Variants in SNRPA1 observed in about 807,000 individuals in gnomAD.
The protein encoded by SNRPA1 is U2 small nuclear ribonucleoprotein A'.
A neutral mutation model predicts 32.3 loss-of-function variants in SNRPA1; 5 were observed. The observed-to-expected ratio is 0.15, with a 90% CI of 0.08 to 0.33. The LOEUF (loss-of-function observed/expected upper bound fraction) is 0.33, where lower values mean the gene tolerates loss of function less well. Ranked by LOEUF, SNRPA1 falls within the 10% of genes least tolerant of loss-of-function variation. The pLI is 1.00. For synonymous variants in SNRPA1, 111 were observed against 120.1 expected, an observed-to-expected ratio of 0.92 and a Z score of 0.50; for missense variants, 198 against 311.1, an observed-to-expected ratio of 0.64 and a Z score of 2.74.
chr15:101,294,814 A>G (rs931700172), intron 1 of SNRPA1: 4 of 376,486 alleles, frequency 1.1e-5, no homozygotes, highest in Admixed American at 4.6e-5. Flanking sequence ...CGAAACAGCC[A>G]AGCAAGGCCT....
Position 101,293,177 on chromosome 15 carries a change from A to G in SNRPA1, c.83-5T>C, listed in dbSNP as rs2039546403. 6.3e-7 allele frequency: 1 copy of G among 1,591,458 alleles called. No homozygotes were observed. The highest frequency in any genetic ancestry group is 1.3e-5 in the African/African-American group (1 of 74,184). ...CAATGACGGGAATTTTATACCCTATAAAATGGAGGAAAAAAACACAAGAGG... is the reference window on the plus strand; with the variant it reads ...CAATGACGGGAATTTTATACCCTATGAAATGGAGGAAAAAAACACAAGAGG... On this transcript the variant is annotated splice_polypyrimidine_tract_variant and splice_region_variant and intron_variant, in intron 1 of 8. Coordinates refer to ENST00000254193, the MANE Select transcript of SNRPA1 (RefSeq NM_003090.4).
Position 101,293,036 on chromosome 15 carries a change from G to A in SNRPA1, c.219C>T (p.Asn73=), listed in dbSNP as rs1368749755. The A allele has an allele frequency of 1.9e-6, 3 of 1,609,488 alleles. No individual in the cohort carries two copies. In the East Asian group the frequency reaches 6.7e-5, roughly 36 times the overall value. The change falls in exon 2 of 9, where the codon AAC becomes AAT. Residue 73 remains asparagine (N), a synonymous_variant. Coordinates refer to ENST00000254193, the MANE Select transcript of SNRPA1 (RefSeq NM_003090.4). ...LRRLKTLLVN[N]NRICRIGEGL... The stretch of plus-strand genomic sequence containing the variant: ...CTACAGACACGTACCATATTCTGTT[G>A]TTGTTCACTAACAATGTTTTCAGTC...
At chr15:101,288,721 C>A (rs956573032) in intron 3 of SNRPA1, among the ~76,000 whole-genome samples, 2 of 152,192 alleles carry the variant, frequency 1.3e-5, no homozygotes, top group African/African-American at 4.8e-5. Context: ...AGCAACAAGG[C>A]TTGCAGGGTG....
chr15:101,284,415 G>A (rs897067045), intron 8 of SNRPA1, among the ~76,000 whole-genome samples: 3 of 151,936 alleles, frequency 2.0e-5, no homozygotes, highest in African/African-American at 7.3e-5. Context: ...TATCGCTAGT[G>A]TTCGGTGCAC....
Position 101,295,203 on chromosome 15 carries a change from C to G in SNRPA1, c.-25G>C, listed in dbSNP as rs762496278. On this transcript the variant is annotated 5_prime_UTR_variant, in exon 1 of 9. Transcript: ENST00000254193. ...TCCTGCAGCCTCCCGTTCCCCCGCGCTGTGGAAAGCCCGTGGCCTCCCGCC... is the reference window on the plus strand; with the variant it reads ...TCCTGCAGCCTCCCGTTCCCCCGCGGTGTGGAAAGCCCGTGGCCTCCCGCC... The G allele has an allele frequency of 6.6e-7, 1 of 1,516,540 alleles. No homozygotes were observed. Among genetic ancestry groups the G allele is most frequent in the East Asian group, 2.8e-5 (1 of 36,078 alleles). 93.9% of individuals were successfully genotyped at this position (1,516,540 alleles called of 1,614,324 possible). A position where few individuals can be genotyped will look rare whatever the true frequency, so the allele number is the denominator to read the frequency against.
At chr15:101,286,810 A>G (rs559429269) in intron 5 of SNRPA1, 98 bp downstream of exon 5, 2 of 644,068 alleles carry the variant, frequency 3.1e-6, no homozygotes, top group African/African-American at 1.8e-5. Context: ...ACTAATGGTA[A>G]AATTTACTCA....
Position 101,294,001 on chromosome 15 carries a change from A to C in SNRPA1, c.83-829T>G, listed in dbSNP as rs190407698. On this transcript the variant is annotated intron_variant, in intron 1 of 8. Coordinates refer to ENST00000254193, the MANE Select transcript of SNRPA1 (RefSeq NM_003090.4). Reference sequence around the variant, plus strand: ...GTAATCCCAGCACTTCGGGAGACCAAGGCGGGCGGATCACCTGAGGTCGGG... The same window carrying C: ...GTAATCCCAGCACTTCGGGAGACCACGGCGGGCGGATCACCTGAGGTCGGG... 2.3e-4 allele frequency among the ~76,000 whole-genome samples: 35 copies of C among 152,340 alleles called. 1 individual carries two copies. Among genetic ancestry groups the C allele is most frequent in the Admixed American group, 2.2e-3 (34 of 15,304 alleles).
chr15:101,289,710 T>G (rs1225212767), intron 3 of SNRPA1: 1 of 151,448 alleles, frequency 6.6e-6, no homozygotes, highest in Non-Finnish European at 1.5e-5. Flanking sequence ...GGCGGGTGGA[T>G]CACAAGGTCA....
At chr15:101,295,040 G>C (rs944362337) in intron 1 of SNRPA1, 57 bp downstream of exon 1, 3 of 1,217,976 alleles carry the variant, frequency 2.5e-6, no homozygotes, top group Non-Finnish European at 3.3e-6. Flanking sequence ...GCAAAGCGCG[G>C]AAAATAAGGC....
At chr15:101,294,987 G>A in intron 1 of SNRPA1, 110 bp downstream of exon 1, 1 of 662,174 alleles carries the variant, frequency 1.5e-6, no homozygotes, top group Non-Finnish European at 2.3e-6. Flanking sequence ...TCGGAGCCCA[G>A]ACAACCGGCC....
intron 4 of SNRPA1, 44 bp from the exon 5 acceptor site, chr15:101,287,054 C>A (rs1252082231): frequency 3.8e-6 from 4 of 1,054,492 alleles, no homozygotes; most frequent in South Asian, 1.3e-5. Flanking sequence ...GTTCATGGCA[C>A]AGCACTCAAG....
intron 8 of SNRPA1, among the ~76,000 whole-genome samples, chr15:101,282,699 C>G (rs534682138): frequency 2.0e-5 from 3 of 152,272 alleles, no homozygotes; most frequent in Non-Finnish European, 4.4e-5. Flanking sequence ...ATCTTCCAAA[C>G]GTTGAGCCAT....
intron 1 of SNRPA1, among the ~76,000 whole-genome samples, chr15:101,294,339 C>T (rs2039562572): frequency 6.6e-6 from 1 of 152,228 alleles, no homozygotes; most frequent in Non-Finnish European, 1.5e-5. Flanking sequence ...CCCATGGGAA[C>T]AAATCTCAGG....
At chr15:101,289,568 A>G (rs919132350) in intron 3 of SNRPA1, among the ~76,000 whole-genome samples, 1 of 152,154 alleles carries the variant, frequency 6.6e-6, no homozygotes, top group African/African-American at 2.4e-5. Flanking sequence ...CACACCAGTA[A>G]TTACATTAAA....
intron 8 of SNRPA1, among the ~76,000 whole-genome samples, chr15:101,282,566 G>A (rs963569816): frequency 6.6e-6 from 1 of 152,220 alleles, no homozygotes; most frequent in South Asian, 2.1e-4. Flanking sequence ...CAGTGTAAAA[G>A]TCTGAAACCT....
At chr15:101,294,092 G>A (rs1333273646) in intron 1 of SNRPA1, among the ~76,000 whole-genome samples, 3 of 152,190 alleles carry the variant, frequency 2.0e-5, no homozygotes, top group African/African-American at 7.2e-5. Context: ...AAAATTAGCC[G>A]GGCGTGGTGG....
chr15:101,294,928 T>C (rs1479251383), intron 1 of SNRPA1, 169 bp downstream of exon 1: 1 of 473,110 alleles, frequency 2.1e-6, no homozygotes, highest in Non-Finnish European at 3.8e-6. Context: ...CGGATGCTCA[T>C]CTGGCAACAA....
At chr15:101,283,949 A>C (rs985284872) in intron 8 of SNRPA1, among the ~76,000 whole-genome samples, 5 of 152,256 alleles carry the variant, frequency 3.3e-5, no homozygotes, top group Admixed American at 3.3e-4. Context: ...TCAAAAAGGA[A>C]AAAAATGTCT....
chr15:101,287,068 T>G, intron 4 of SNRPA1, 58 bp from the exon 5 acceptor site: 2 of 849,012 alleles, frequency 2.4e-6, no homozygotes, highest in Non-Finnish European at 4.0e-6. Flanking sequence ...ACTCAAGAGG[T>G]CTGTTTGAAT....
Sources: allele counts gnomAD v4.1 joint callset (sites outside exome capture counted in the v4.1 genomes callset), GRCh38; gene constraint gnomAD v4.1.1; transcripts MANE v1.5; gene names NCBI Gene and HGNC (gene_info 2026-07-23, HGNC 2026-07-21).